CNTN4: variants seen among roughly 807,000 people sequenced by gnomAD.
CNTN4 encodes the protein contactin 4, also known as contactin-4.
A neutral mutation model predicts 122.5 loss-of-function variants in CNTN4; 77 were observed. The ratio of observed to expected loss-of-function variants is 0.63; its 90% CI spans 0.52 to 0.76. CNTN4 has a LOEUF of 0.76. Among genes scored for constraint, CNTN4 ranks in the 30% least tolerant of loss-of-function variants. The pLI is 0.00. For missense variants in CNTN4, 1,256 were observed against 1,259.1 expected (o/e 1.00, Z 0.04); for synonymous variants, 512 against 447.0 (o/e 1.15, Z -1.83).
chr3:2,365,803 T>C (rs1445983398), intron 3 of CNTN4, among the ~76,000 whole-genome samples: 1 of 152,192 alleles, frequency 6.6e-6, no homozygotes, highest in Admixed American at 6.5e-5. Flanking sequence ...TTAAAAACAG[T>C]GACCTATTTC....
At chr3:2,984,349 A>G (rs1442436616) in intron 13 of CNTN4, among the ~76,000 whole-genome samples, 3 of 152,200 alleles carry the variant, frequency 2.0e-5, no homozygotes, top group African/African-American at 7.2e-5. Context: ...GCAGTTCTCA[A>G]ATGGGGTGAT....
chr3:2,928,377 T>TG (rs2094492178), intron 13 of CNTN4, among the ~76,000 whole-genome samples: 1 of 152,226 alleles, frequency 6.6e-6, no homozygotes, highest in Non-Finnish European at 1.5e-5. Flanking sequence ...TTTTCTCATT[T>TG]CTTTCTGATA....
At chr3:2,171,237 C>T (rs1182137311) in intron 2 of CNTN4, among the ~76,000 whole-genome samples, 1 of 152,026 alleles carries the variant, frequency 6.6e-6, no homozygotes, top group Non-Finnish European at 1.5e-5. Flanking sequence ...TTTGCTCTTA[C>T]CAAAAATGTT....
chr3:2,800,995 C>A (rs892207655), intron 6 of CNTN4, among the ~76,000 whole-genome samples: 24 of 152,328 alleles, frequency 1.6e-4, no homozygotes, highest in African/African-American at 5.8e-4. Context: ...CTCTCAATCC[C>A]TCTGATTCTA....
chr3:2,339,409 T>C (rs2044094065), intron 3 of CNTN4, among the ~76,000 whole-genome samples, 176 bp downstream of exon 3: 1 of 152,188 alleles, frequency 6.6e-6, no homozygotes, highest in Admixed American at 6.5e-5. Context: ...AATTAAAGCC[T>C]GAAACTAAGA....
At position 2,200,286 on chromosome 3, in the gene CNTN4, G is replaced by T. The variant is rs2038038122; in HGVS notation, c.-145+99647G>T. ...GATGGTTTGGAGAAGTTAAGTAAGG[G>T]GAGAAATCAAAGTCTTAGTAAACTT... On this transcript the variant is annotated intron_variant, in intron 2 of 24. Coordinates refer to ENST00000418658, the MANE Select transcript of CNTN4 (RefSeq NM_175607.3). Among the ~76,000 whole-genome samples the T allele has an allele frequency of 2.0e-5, 3 of 152,144 alleles. No individual in the cohort carries two copies. In the South Asian group the frequency reaches 6.2e-4, roughly 32 times the overall value.
intron 2 of CNTN4, among the ~76,000 whole-genome samples, chr3:2,288,053 C>T (rs1200255805): frequency 1.3e-5 from 2 of 152,032 alleles, no homozygotes; most frequent in Non-Finnish European, 2.9e-5. Flanking sequence ...TTTCACAATG[C>T]AGTGGGAAAA....
chr3:2,924,489 C>T (rs973767283), intron 12 of CNTN4, among the ~76,000 whole-genome samples: 3 of 152,148 alleles, frequency 2.0e-5, no homozygotes, highest in Non-Finnish European at 2.9e-5. Flanking sequence ...TGAATCCTTC[C>T]ATTCCAAAAT....
At chr3:2,507,231 A>G (rs2076753557) in intron 3 of CNTN4, among the ~76,000 whole-genome samples, 1 of 152,046 alleles carries the variant, frequency 6.6e-6, no homozygotes, top group Non-Finnish European at 1.5e-5. Context: ...TGAGGTTAAC[A>G]TATTGAGCCA....
intron 3 of CNTN4, among the ~76,000 whole-genome samples, chr3:2,471,055 C>A (rs900809754): frequency 6.6e-6 from 1 of 152,150 alleles, no homozygotes; most frequent in African/African-American, 2.4e-5. Flanking sequence ...ATGAATACAG[C>A]TCCAGTAAGA....
chr3:2,991,055 A>T lies in CNTN4; in HGVS notation c.1486+2583A>T, dbSNP rs1444835132. Among the ~76,000 whole-genome samples, 5 of 152,228 alleles carry T rather than the reference A, an allele frequency of 3.3e-5. No homozygotes were observed. In the East Asian group the frequency reaches 9.6e-4, roughly 29 times the overall value. On this transcript the variant is annotated intron_variant, in intron 14 of 24. Coordinates refer to ENST00000418658, the MANE Select transcript of CNTN4 (RefSeq NM_175607.3). ...TAGGAGGATATGCAAAAAATCATGA[A>T]GATGGTATATGTGAATGTCTAAAAC...
chr3:2,759,764 C>T (rs1172215090), intron 6 of CNTN4, among the ~76,000 whole-genome samples: 1 of 151,148 alleles, frequency 6.6e-6, no homozygotes, highest in Non-Finnish European at 1.5e-5. Context: ...AAATTATTTT[C>T]CAAATTGGCT....
At chr3:2,590,333 T>C (rs1422883081) in intron 4 of CNTN4, among the ~76,000 whole-genome samples, 2 of 152,168 alleles carry the variant, frequency 1.3e-5, no homozygotes, top group Non-Finnish European at 2.9e-5. Context: ...CTTGGCTCAC[T>C]GTAACCTACG....
intron 2 of CNTN4, among the ~76,000 whole-genome samples, chr3:2,120,405 A>ATATATATATAT (rs1428527983): frequency 2.4e-5 from 1 of 40,880 alleles, no homozygotes; most frequent in Non-Finnish European, 4.3e-5. Flanking sequence ...ATATATATAT[A>ATATATATATAT]TTTTTTTTTT....
intron 4 of CNTN4, among the ~76,000 whole-genome samples, chr3:2,666,247 A>G (rs1223694201): frequency 6.6e-6 from 1 of 152,194 alleles, no homozygotes; most frequent in East Asian, 1.9e-4. Context: ...TATTTTGGGT[A>G]TTAGAATAAC....
intron 4 of CNTN4, among the ~76,000 whole-genome samples, chr3:2,661,265 G>T (rs1234539693): frequency 1.3e-5 from 2 of 152,154 alleles, no homozygotes; most frequent in African/African-American, 4.8e-5. Context: ...CCCAAAGCCA[G>T]GCAGCCCCAA....
At chr3:3,037,926 A>G (rs903550476) in intron 18 of CNTN4, among the ~76,000 whole-genome samples, 1 of 152,172 alleles carries the variant, frequency 6.6e-6, no homozygotes, top group African/African-American at 2.4e-5. Context: ...CAAGTTCATC[A>G]GGGTCAGCCG....
intron 14 of CNTN4, chr3:3,008,918 G>T: frequency 1.0e-6 from 1 of 983,440 alleles, no homozygotes; most frequent in Non-Finnish European, 1.2e-6. Flanking sequence ...GATCTAATAA[G>T]CTGTGAGATT....
chr3:2,745,546 T>A lies in CNTN4; in HGVS notation c.207T>A (p.Val69=). 2 of 1,614,132 alleles carry A rather than the reference T, an allele frequency of 1.2e-6. No homozygotes were observed. The highest frequency in any genetic ancestry group is 1.7e-6 in the Non-Finnish European group (2 of 1,179,956). Residue 69 remains valine, a synonymous_variant, in exon 6 of 25, where the codon GTT becomes GTA. Transcript: ENST00000418658. The part of the protein sequence containing the change: ...HIRWKLNGTD[V]DTGMDFRYSV... Reference sequence around the variant, plus strand: ...GGTGGAAGTTAAATGGAACAGATGTTGACACTGGTATGGATTTCCGCTACA... The same window carrying A: ...GGTGGAAGTTAAATGGAACAGATGTAGACACTGGTATGGATTTCCGCTACA...
Sources: allele counts gnomAD v4.1 joint callset (sites outside exome capture counted in the v4.1 genomes callset), GRCh38; gene constraint gnomAD v4.1.1; transcripts MANE v1.5; gene names NCBI Gene and HGNC (gene_info 2026-07-23, HGNC 2026-07-21).